Variants in MARCHF1 observed in about 807,000 individuals in gnomAD.
The protein encoded by MARCHF1 is E3 ubiquitin-protein ligase MARCHF1.
Under a neutral mutation model 54.2 loss-of-function variants are expected in MARCHF1, and 40 were observed. The ratio of observed to expected loss-of-function variants is 0.74; its 90% CI spans 0.57 to 0.96. The LOEUF is 0.96. MARCHF1 is among the 40% of genes least tolerant of loss of function. The pLI, the probability that MARCHF1 is intolerant of heterozygous loss-of-function variation, is 0.00. For synonymous variants in MARCHF1, 236 were observed against 236.3 expected (o/e 1.00, Z 0.01); for missense variants, 586 against 656.5 (o/e 0.89, Z 1.17).
At position 163,524,799 on chromosome 4, in the gene MARCHF1, G is replaced by A. The variant is rs1738042005; in HGVS notation, c.*3949C>T. Reference sequence around the variant, plus strand: ...TTTCTTAATTTGCTTTAGTACACATGATTCACAAAACAGTAAATTGTTAAT... The same window carrying A: ...TTTCTTAATTTGCTTTAGTACACATAATTCACAAAACAGTAAATTGTTAAT... On this transcript the variant is annotated 3_prime_UTR_variant, in exon 10 of 10. Transcript: ENST00000514618. 1 of 152,056 alleles carries A rather than the reference G, an allele frequency of 6.6e-6. No homozygotes were observed. The highest frequency in any genetic ancestry group is 1.5e-5 in the Non-Finnish European group (1 of 68,006). The allele number at this position is 152,056 out of a possible 1,614,324, so 9.4% of individuals were successfully genotyped here.
chr4:163,984,806 A>C (rs1752830383), intron 3 of MARCHF1, among the ~76,000 whole-genome samples: 1 of 152,220 alleles, frequency 6.6e-6, no homozygotes, highest in Non-Finnish European at 1.5e-5. Flanking sequence ...AGAAGAATGA[A>C]TTAATAGAAG....
At chr4:163,639,069 G>C (rs572967139) in intron 5 of MARCHF1, among the ~76,000 whole-genome samples, 1 of 152,094 alleles carries the variant, frequency 6.6e-6, no homozygotes, top group Non-Finnish European at 1.5e-5. Context: ...AATGGGTATA[G>C]AGTTTCAGTT....
intron 3 of MARCHF1, among the ~76,000 whole-genome samples, chr4:163,961,041 T>C (rs1378287151): frequency 6.6e-6 from 1 of 151,844 alleles, no homozygotes; most frequent in Non-Finnish European, 1.5e-5. Context: ...TTTTTCAATA[T>C]GAGGACCCAA....
At chr4:164,051,716 AT>A (rs1173336604) in intron 2 of MARCHF1, among the ~76,000 whole-genome samples, 15 of 152,200 alleles carry the variant, frequency 9.9e-5, no homozygotes, top group Non-Finnish European at 1.8e-4. Flanking sequence ...GGTCTAACTG[AT>A]TCCCTTGTCC....
At chr4:163,909,063 C>G (rs1468038628) in intron 3 of MARCHF1, among the ~76,000 whole-genome samples, 1 of 151,910 alleles carries the variant, frequency 6.6e-6, no homozygotes, top group Non-Finnish European at 1.5e-5. Flanking sequence ...TTACATTTTT[C>G]CTAATAATAT....
At chr4:163,585,715 G>T (rs780199877) in intron 8 of MARCHF1, 34 bp downstream of exon 8, 1 of 1,474,170 alleles carries the variant, frequency 6.8e-7, no homozygotes, top group South Asian at 1.4e-5. Context: ...TTTGCAAATG[G>T]TCCCTCCCAA....
At chr4:163,718,615 C>T (rs573685681) in intron 4 of MARCHF1, among the ~76,000 whole-genome samples, 2 of 152,276 alleles carry the variant, frequency 1.3e-5, no homozygotes, top group South Asian at 2.1e-4. Flanking sequence ...ATGTTTCAGC[C>T]ATTTCAGGAA....
At chr4:163,536,461 TA>T (rs1321249859) in intron 9 of MARCHF1, among the ~76,000 whole-genome samples, 1 of 152,172 alleles carries the variant, frequency 6.6e-6, no homozygotes, top group Non-Finnish European at 1.5e-5. Flanking sequence ...TTCCCACTGT[TA>T]CACTTCCATG....
intron 7 of MARCHF1, among the ~76,000 whole-genome samples, chr4:163,599,549 G>A (rs1367672497): frequency 1.3e-5 from 2 of 152,022 alleles, no homozygotes; most frequent in Non-Finnish European, 2.9e-5. Context: ...TCCTTTCACA[G>A]ATTTGTTAGG....
At position 164,369,132 on chromosome 4, in the gene MARCHF1, G is replaced by A. The variant is rs1005082436; in HGVS notation, c.-323+14738C>T. The stretch of plus-strand genomic sequence containing the variant: ...GGGGATGAGGGTGGTGGTTTAACCC[G>A]GGTCTAGGTGGCTCTTGGCAGCTGA... On this transcript the variant is annotated intron_variant, in intron 1 of 9. Transcript: ENST00000514618. Among the ~76,000 whole-genome samples the A allele has an allele frequency of 5.9e-5, 9 of 152,186 alleles. No individual in the cohort carries two copies. The South Asian group carries it at 1.2e-3, about 21-fold the overall frequency.
chr4:163,923,450 T>C (rs1751473684), intron 3 of MARCHF1, among the ~76,000 whole-genome samples: 1 of 152,040 alleles, frequency 6.6e-6, no homozygotes, highest in African/African-American at 2.4e-5. Flanking sequence ...AAGAGTTCTG[T>C]ATGGAAAATA....
chr4:163,925,012 T>C (rs945961058), intron 3 of MARCHF1, among the ~76,000 whole-genome samples: 8 of 151,882 alleles, frequency 5.3e-5, no homozygotes, highest in Admixed American at 1.3e-4. Flanking sequence ...TAGTTTAAAA[T>C]AGATTTTTAA....
chr4:163,720,567 A>T (rs1263994299), intron 4 of MARCHF1, among the ~76,000 whole-genome samples: 1 of 152,172 alleles, frequency 6.6e-6, no homozygotes, highest in African/African-American at 2.4e-5. Context: ...CTGTGAAAAA[A>T]GTCATTGGTA....
At chr4:164,382,770 C>T (rs1269806584) in intron 1 of MARCHF1, among the ~76,000 whole-genome samples, 1 of 152,136 alleles carries the variant, frequency 6.6e-6, no homozygotes, top group Admixed American at 6.5e-5. Flanking sequence ...TGGGTGTTGG[C>T]ATGTTGGCTA....
chr4:163,963,742 A>C (rs3967463), intron 3 of MARCHF1, among the ~76,000 whole-genome samples: 1 of 151,650 alleles, frequency 6.6e-6, no homozygotes, highest in Admixed American at 6.6e-5. Flanking sequence ...AGCAACCTCT[A>C]TCATGCAATG....
intron 4 of MARCHF1, among the ~76,000 whole-genome samples, chr4:163,836,753 C>A (rs551759055): frequency 2.8e-5 from 1 of 35,158 alleles, no homozygotes; most frequent in African/African-American, 5.2e-5. Flanking sequence ...AACAGTGATA[C>A]CAAGTGCGCC....
At chr4:163,927,225 T>C (rs1751557518) in intron 3 of MARCHF1, among the ~76,000 whole-genome samples, 2 of 151,780 alleles carry the variant, frequency 1.3e-5, no homozygotes, top group South Asian at 4.1e-4. Flanking sequence ...ACTATGTCAT[T>C]CCTACTACTA....
At chr4:163,910,745 C>T (rs559755619) in intron 3 of MARCHF1, among the ~76,000 whole-genome samples, 2 of 152,214 alleles carry the variant, frequency 1.3e-5, no homozygotes, top group African/African-American at 4.8e-5. Context: ...GATCCACGCA[C>T]CTTGACCTCC....
intron 8 of MARCHF1, among the ~76,000 whole-genome samples, chr4:163,556,150 A>G (rs1210510643): frequency 6.6e-6 from 1 of 152,016 alleles, no homozygotes; most frequent in East Asian, 1.9e-4. Flanking sequence ...TGTATCGGAC[A>G]TTGTTGTAGG....
Sources: gnomAD v4.1 joint callset for allele counts (sites outside exome capture counted in the v4.1 genomes callset) on GRCh38, gnomAD v4.1.1 for gene constraint, MANE v1.5 for transcripts, NCBI Gene and HGNC (gene_info 2026-07-23, HGNC 2026-07-21) for gene names.